NOTCH1: variants seen among roughly 807,000 people sequenced by gnomAD.
The protein encoded by NOTCH1 is neurogenic locus notch homolog protein 1.
A neutral mutation model predicts 254.8 loss-of-function variants in NOTCH1; 37 were observed. The ratio of observed to expected loss-of-function variants is 0.15; its 90% CI spans 0.11 to 0.19. The LOEUF (loss-of-function observed/expected upper bound fraction) is 0.19. Ranked by LOEUF, NOTCH1 falls within the 10% of genes least tolerant of loss-of-function variation. The pLI is 1.00. For synonymous variants in NOTCH1, 1,731 were observed against 1,618.1 expected (o/e 1.07, Z -1.68); for missense variants, 2,972 against 3,708.6 (o/e 0.80, Z 5.16).
chr9:136,514,792 C>A, intron 12 of NOTCH1, 90 bp from the exon 13 acceptor site: 4 of 1,300,452 alleles, frequency 3.1e-6, no homozygotes, highest in Admixed American at 1.9e-5. Context: ...TGAGCCGGGG[C>A]GATCACCCTT....
chr9:136,497,635 G>A (rs890773450), intron 33 of NOTCH1, 77 bp from the exon 34 acceptor site: 56 of 1,323,524 alleles, frequency 4.2e-5, no homozygotes, highest in Non-Finnish European at 5.3e-5. Flanking sequence ...CATCACCAGA[G>A]GAAGCAGCAG....
At position 136,496,738 on chromosome 9, in the gene NOTCH1, G is replaced by T. The variant is rs370135470; in HGVS notation, c.7001C>A (p.Pro2334His). Residue 2334 changes from proline to histidine, a missense_variant, in exon 34 of 34, where the codon CCC becomes CAC. Coordinates refer to ENST00000651671, the MANE Select transcript of NOTCH1 (RefSeq NM_017617.5). ...NPLRGSVAPG[P>H]LSTQAPSLQH... The stretch of plus-strand genomic sequence containing the variant: ...CAGGGAGGGGGCCTGTGTGCTCAGG[G>T]GGCCTGGTGCCACACTCCCCCGCAG... The T allele has an allele frequency of 4.3e-6, 7 of 1,612,700 alleles. No homozygotes were observed. In the African/African-American group the frequency reaches 5.3e-5, roughly 12 times the overall value.
intron 13 of NOTCH1, among the ~76,000 whole-genome samples, chr9:136,514,116 C>A (rs1250841509): frequency 6.6e-6 from 1 of 152,230 alleles, no homozygotes; most frequent in Non-Finnish European, 1.5e-5. Context: ...TGGCCCCGAA[C>A]AAAGCACGTG....
rs997478756 is a variant in NOTCH1 at position 136,495,974 on chromosome 9, T to TAA, written c.*96_*97insTT. 4.8e-5 allele frequency: 64 copies of TAA among 1,325,428 alleles called. 2 individuals carry two copies. Among genetic ancestry groups the TAA allele is most frequent in the Admixed American group, 3.8e-4 (15 of 39,794 alleles). 82.1% of individuals were successfully genotyped at this position (1,325,428 alleles called of 1,614,324 possible). ...CTTATTTTGTATAAAAACATGTGTT[T>TAA]TAAAAAGGCTCCTCTGGTCGGCCCT... On this transcript the variant is annotated 3_prime_UTR_variant, in exon 34 of 34. Coordinates refer to ENST00000651671, the MANE Select transcript of NOTCH1 (RefSeq NM_017617.5).
In NOTCH1 at chr9:136,507,420, G is replaced by C; in HGVS notation, c.3528C>G (p.His1176Gln). ...CGATCTCCTCAGAGCAGTTCACCCCGTGGTAGCCGGCCACGCACTGTGCAG... is the reference window on the plus strand; with the variant it reads ...CGATCTCCTCAGAGCAGTTCACCCCCTGGTAGCCGGCCACGCACTGTGCAG... Reference protein sequence around the residue: ...GYSCKCVAGYHGVNCSEEIDE... With the variant: ...GYSCKCVAGYQGVNCSEEIDE... Residue 1176 changes from histidine (H) to glutamine (Q), a missense_variant, in exon 22 of 34, where the codon CAC (histidine) becomes CAG (glutamine). By Grantham distance (24) the His-to-Gln change is conservative. This residue lies in a region of NOTCH1 where 1,343 missense variants were observed against 1,557.0 expected (regional missense o/e 0.86). Transcript: ENST00000651671. 6.2e-7 allele frequency: 1 copy of C among 1,608,490 alleles called. No homozygotes were observed. Among genetic ancestry groups the C allele is most frequent in the Non-Finnish European group, 8.5e-7 (1 of 1,178,244 alleles).
chr9:136,544,893 G>A (rs997957560), intron 1 of NOTCH1, among the ~76,000 whole-genome samples: 1 of 152,052 alleles, frequency 6.6e-6, no homozygotes, highest in Non-Finnish European at 1.5e-5. Flanking sequence ...CCATCTTACC[G>A]GGGCTGAGAA....
intron 2 of NOTCH1, among the ~76,000 whole-genome samples, chr9:136,528,071 C>T (rs1468547847): frequency 6.6e-6 from 1 of 151,990 alleles, no homozygotes; most frequent in African/African-American, 2.4e-5. Context: ...AAGCGGCCAT[C>T]TGCCACCCCC....
chr9:136,510,705 C>T lies in NOTCH1; in HGVS notation c.2688G>A (p.Gln896=), dbSNP rs2133353135. The T allele has an allele frequency of 6.2e-7, 1 of 1,610,512 alleles. No individual in the cohort carries two copies. The highest frequency in any genetic ancestry group is 8.5e-7 in the Non-Finnish European group (1 of 1,179,762). The change falls in exon 17 of 34, where the codon CAG becomes CAA. Residue 896 remains glutamine (Q), a synonymous_variant. Transcript: ENST00000651671. The stretch of plus-strand genomic sequence containing the variant: ...CGCAGTTGCGCCCACTGTAGCCGGC[C>T]TGGCAGTGGCAGCGGTAGCCGCCGT... ...NTHGGYRCHC[Q]AGYSGRNCET... is the part of the protein sequence containing the mutation.
In NOTCH1 at chr9:136,519,568, G is replaced by A. The variant is rs778646322; in HGVS notation, c.743-3C>T. On this transcript the variant is annotated splice_polypyrimidine_tract_variant and splice_region_variant and intron_variant, in intron 4 of 33. Coordinates refer to ENST00000651671, the MANE Select transcript of NOTCH1 (RefSeq NM_017617.5). ...CTCACAGTTCTGGCCGGTGAAGCCT[G>A]CCGCAAGAGGGGCCGGGTCAGCCTC... 8 of 1,612,752 alleles carry A rather than the reference G, an allele frequency of 5.0e-6. No individual in the cohort carries two copies. Among genetic ancestry groups the A allele is most frequent in the Non-Finnish European group, 6.8e-6 (8 of 1,179,894 alleles).
chr9:136,507,902 T>C (rs1265303480), intron 21 of NOTCH1, 53 bp downstream of exon 21: 3 of 1,576,522 alleles, frequency 1.9e-6, no homozygotes, highest in East Asian at 4.5e-5. Context: ...CAGGGCCTGG[T>C]GTGTGGCAAC....
In NOTCH1 at chr9:136,500,612, G is replaced by A. The variant is rs754380747; in HGVS notation, c.5874C>T (p.Asp1958=). ...CATGCAGCGGGGTGCGGCCCATGTT[G>A]TCCTGGATGTTGGCATCTGCGCTGG... ...LEASADANIQ[D]NMGRTPLHAA... Residue 1958 remains aspartate, a synonymous_variant, in exon 31 of 34, where the codon GAC becomes GAT. Coordinates refer to ENST00000651671, the MANE Select transcript of NOTCH1 (RefSeq NM_017617.5). 1.2e-5 allele frequency: 20 copies of A among 1,612,062 alleles called. No individual in the cohort carries two copies. Among genetic ancestry groups the A allele is most frequent in the Non-Finnish European group, 1.5e-5 (18 of 1,179,896 alleles).
At chr9:136,499,400 G>C (rs1842963347) in intron 31 of NOTCH1, 141 bp from the exon 32 acceptor site, 4 of 1,278,684 alleles carry the variant, frequency 3.1e-6, no homozygotes, top group Non-Finnish European at 4.3e-6. Flanking sequence ...GGCCGGGCAA[G>C]ACGAAACGCC....
rs577581469 is a variant in NOTCH1 at position 136,498,893 on chromosome 9, G to A, written c.6180+6C>T. Reference sequence around the variant, plus strand: ...GTCTCCCCTGGCATCCCAGCCTCGCGCTCACCCTGTTGTTCTGCATATCTT... The same window carrying A: ...GTCTCCCCTGGCATCCCAGCCTCGCACTCACCCTGTTGTTCTGCATATCTT... On this transcript the variant is annotated splice_donor_region_variant and intron_variant, in intron 33 of 33. Coordinates refer to ENST00000651671, the MANE Select transcript of NOTCH1 (RefSeq NM_017617.5). 2.0e-5 allele frequency: 32 copies of A among 1,613,344 alleles called. No homozygotes were observed. The South Asian group carries it at 2.3e-4, about 12-fold the overall frequency.
intron 2 of NOTCH1, among the ~76,000 whole-genome samples, chr9:136,530,148 G>T (rs189396514): frequency 6.6e-6 from 1 of 152,186 alleles, no homozygotes; most frequent in Non-Finnish European, 1.5e-5. Flanking sequence ...CGGGGGTCGC[G>T]GCCGGCCCGC....
chr9:136,503,724 C>T (rs1379754517), intron 26 of NOTCH1, among the ~76,000 whole-genome samples: 2 of 152,274 alleles, frequency 1.3e-5, no homozygotes, highest in Non-Finnish European at 2.9e-5. Context: ...GTGGGTGCAG[C>T]GGTGGTGGGC....
chr9:136,499,408 G>C, intron 31 of NOTCH1, 149 bp from the exon 32 acceptor site: 1 of 1,204,622 alleles, frequency 8.3e-7, no homozygotes, highest in Non-Finnish European at 1.2e-6. Context: ...AAGACGAAAC[G>C]CCATGGGGCT....
intron 2 of NOTCH1, among the ~76,000 whole-genome samples, chr9:136,527,368 T>C (rs1004514967): frequency 5.9e-5 from 9 of 152,246 alleles, no homozygotes; most frequent in Non-Finnish European, 1.3e-4. Flanking sequence ...CGGGCCACTC[T>C]GTCTTCAATG....
At chr9:136,514,370 G>T in intron 13 of NOTCH1, 140 bp downstream of exon 13, 1 of 888,394 alleles carries the variant, frequency 1.1e-6, no homozygotes, top group Non-Finnish European at 1.8e-6. Flanking sequence ...GTGCGTCCCC[G>T]AGGGGAGCTC....
chr9:136,500,475 CG>C (rs1191919953), intron 31 of NOTCH1, 76 bp downstream of exon 31: 2 of 1,564,768 alleles, frequency 1.3e-6, no homozygotes, highest in Non-Finnish European at 1.7e-6. Context: ...CCCAGGGCCA[CG>C]TAAGCCTGGC....
Sources: gnomAD v4.1 joint callset for allele counts (sites outside exome capture counted in the v4.1 genomes callset) on GRCh38, gnomAD v4.1.1 for gene constraint, gnomAD v4.1.1 regional missense constraint, MANE v1.5 for transcripts, NCBI Gene and HGNC (gene_info 2026-07-23, HGNC 2026-07-21) for gene names.